Variants in RGPD3 observed in about 807,000 individuals in gnomAD.
RGPD3 encodes ranBP2-like and GRIP domain-containing protein 3.
RGPD3 carries 62 observed loss-of-function variants against 154.5 expected under a neutral mutation model. The observed-to-expected ratio is 0.40, with a 90% confidence interval of 0.33 to 0.50. The LOEUF (loss-of-function observed/expected upper bound fraction) is 0.50, where lower values mean the gene tolerates loss of function less well. RGPD3 is among the 20% of genes least tolerant of loss of function. The pLI, the probability that RGPD3 is intolerant of heterozygous loss-of-function variation, is 0.59. For missense variants in RGPD3, 919 were observed against 1,716.8 expected, an observed-to-expected ratio of 0.54 and a Z score of 8.21; for synonymous variants, 308 against 607.0, an observed-to-expected ratio of 0.51 and a Z score of 7.24.
At chr2:106,446,848 C>T (rs1395780098) in intron 7 of RGPD3, among the ~76,000 whole-genome samples, 2 of 151,708 alleles carry the variant, frequency 1.3e-5, no homozygotes, top group African/African-American at 4.9e-5. Flanking sequence ...CGCCACTGCA[C>T]TCCAGCCTGG....
At chr2:106,458,978 G>T (rs1208890271) in intron 2 of RGPD3, among the ~76,000 whole-genome samples, 1 of 140,614 alleles carries the variant, frequency 7.1e-6, no homozygotes, top group African/African-American at 2.5e-5. Flanking sequence ...TAAGATATAG[G>T]CATGGTCCTC....
chr2:106,424,468 A>G lies in RGPD3; in HGVS notation c.3499T>C (p.Cys1167Arg), dbSNP rs766568633. The change falls in exon 20 of 23, where the codon TGC becomes CGC. Residue 1167 changes from cysteine (C) to arginine (R), a missense_variant. Physicochemically the swap from Cys to Arg is radical, Grantham distance 180 (BLOSUM62 -3). Transcript: ENST00000409886. ...GGTATGTCTAACAGAAGCCGCTGGC[A>G]TTCCTCAAATTTCTGCTTGAATTCT... is the stretch of plus-strand genomic sequence containing the variant. ...AEEFKQKFEECQRLLLDIPLQ... is the reference protein window; with the variant it reads ...AEEFKQKFEERQRLLLDIPLQ... 43 of 1,607,340 alleles carry G rather than the reference A, an allele frequency of 2.7e-5. No homozygotes were observed. In the South Asian group the frequency reaches 3.2e-4, roughly 12 times the overall value.
intron 7 of RGPD3, among the ~76,000 whole-genome samples, chr2:106,444,847 G>A (rs1350377230): frequency 9.8e-5 from 14 of 142,170 alleles, no homozygotes; most frequent in Middle Eastern, 3.6e-3. Flanking sequence ...TAGGCTGTGC[G>A]CAGTAGCTCA....
intron 1 of RGPD3, among the ~76,000 whole-genome samples, chr2:106,461,315 C>T (rs1349646817): frequency 4.8e-5 from 7 of 146,754 alleles, no homozygotes; most frequent in African/African-American, 1.5e-4. Flanking sequence ...CTCTTTGGTG[C>T]CATTTTAAAT....
rs1453185553 is a variant in RGPD3, at chr2:106,424,506, G to A, written c.3461C>T (p.Pro1154Leu). Residue 1154 changes from proline (P) to leucine (L), a missense_variant, in exon 20 of 23, where the codon CCA (proline) becomes CTA (leucine). Physicochemically the swap from Pro to Leu is moderately conservative, Grantham distance 98 (BLOSUM62 -3). Coordinates refer to ENST00000409886, the MANE Select transcript of RGPD3 (RefSeq NM_001144013.2). ...CTGCTTGAATTCTTCAGCCAGCTCT[G>A]GTGTTTTAAATTTTGCTGCCAATCG... ...LERLAAKFKT[P>L]ELAEEFKQKF... 1.2e-6 allele frequency: 2 copies of A among 1,606,486 alleles called. No homozygotes were observed. The highest frequency in any genetic ancestry group is 1.7e-6 in the Non-Finnish European group (2 of 1,179,260).
chr2:106,434,321 T>C lies in RGPD3; in HGVS notation c.2112A>G (p.Glu704=), dbSNP rs751282685. The change falls in exon 15 of 23, where the codon GAA becomes GAG. Residue 704 remains glutamate (E), a synonymous_variant. Transcript: ENST00000409886. ...DIANDALSPE[E]QEECKNYLRK... The stretch of plus-strand genomic sequence containing the variant: ...TCAGATAATTTTTGCATTCTTCTTG[T>C]TCTTCAGGAGAAAGGGCATCATTTG... 1 of 1,610,382 alleles carries C rather than the reference T, an allele frequency of 6.2e-7. No homozygotes were observed. The highest frequency in any genetic ancestry group is 8.5e-7 in the Non-Finnish European group (1 of 1,179,194).
At position 106,415,654 on chromosome 2, in the gene RGPD3, G is replaced by A. The variant is rs201103224; in HGVS notation, c.5064+196C>T. Among the ~76,000 whole-genome samples the A allele has an allele frequency of 4.4e-4, 49 of 111,476 alleles. 1 individual carries two copies. The East Asian group carries it at 0.012, about 27-fold the overall frequency. The allele number at this position is 111,476 out of a possible 152,430, so 73.1% of individuals were successfully genotyped here. On this transcript the variant is annotated intron_variant, in intron 21 of 22. Transcript: ENST00000409886. ...ATCGTGCCACTGCACTCCAGCCTGC[G>A]TGACAAAGCAAGACTGTCTCAAAAA...
chr2:106,466,185 A>G (rs1678577000), intron 1 of RGPD3, among the ~76,000 whole-genome samples: 1 of 152,036 alleles, frequency 6.6e-6, no homozygotes, highest in Admixed American at 6.5e-5. Context: ...ACAAGCCGGG[A>G]GAAAGAGGAA....
At chr2:106,470,052 T>TA (rs1046742883), upstream of RGPD3, among the ~76,000 whole-genome samples, 46 of 151,058 alleles carry the variant, frequency 3.0e-4, no homozygotes, top group Admixed American at 1.1e-3. Flanking sequence ...ATCTCATTTG[T>TA]AAAAAAAAAG....
At chr2:106,405,667 C>A (rs1170740471) in intron 22 of RGPD3, among the ~76,000 whole-genome samples, 8 of 152,128 alleles carry the variant, frequency 5.3e-5, no homozygotes, top group Non-Finnish European at 7.4e-5. Flanking sequence ...AGCCACTGTA[C>A]CCAACCATAT....
At chr2:106,446,852 A>G (rs1473889338) in intron 7 of RGPD3, among the ~76,000 whole-genome samples, 1 of 151,988 alleles carries the variant, frequency 6.6e-6, no homozygotes, top group Non-Finnish European at 1.5e-5. Context: ...ACTGCACTCC[A>G]GCCTGGCGAC....
At chr2:106,446,835 T>A (rs1244984470) in intron 7 of RGPD3, among the ~76,000 whole-genome samples, 1 of 151,796 alleles carries the variant, frequency 6.6e-6, no homozygotes, top group African/African-American at 2.4e-5. Context: ...TGAGCCGAGA[T>A]CACGCCACTG....
intron 1 of RGPD3, among the ~76,000 whole-genome samples, chr2:106,466,179 G>A (rs908954022): frequency 6.6e-6 from 1 of 152,138 alleles, no homozygotes; most frequent in African/African-American, 2.4e-5. Context: ...TCGGGAACAA[G>A]CCGGGAGAAA....
chr2:106,468,670 G>GT (rs995507395), upstream of RGPD3, among the ~76,000 whole-genome samples: 3 of 152,074 alleles, frequency 2.0e-5, no homozygotes, highest in African/African-American at 7.2e-5. Flanking sequence ...GCCAGGTGTG[G>GT]TGGCAGGTGC....
At chr2:106,450,699 C>A (rs1678086843) in intron 6 of RGPD3, among the ~76,000 whole-genome samples, 1 of 50,030 alleles carries the variant, frequency 2.0e-5, no homozygotes, top group African/African-American at 9.9e-5. Flanking sequence ...GAGCGAGACT[C>A]TGTCTCAAAA....
At chr2:106,437,378 G>A (rs1177025482) in intron 9 of RGPD3, among the ~76,000 whole-genome samples, 2 of 143,224 alleles carry the variant, frequency 1.4e-5, no homozygotes, top group African/African-American at 5.3e-5. Flanking sequence ...CGAGCACGGT[G>A]TCACGTGCCT....
chr2:106,405,671 A>T (rs1354661504), intron 22 of RGPD3, among the ~76,000 whole-genome samples: 2 of 151,850 alleles, frequency 1.3e-5, no homozygotes, highest in Admixed American at 6.6e-5. Context: ...ACTGTACCCA[A>T]CCATATGTCA....
At chr2:106,461,299 C>T (rs1318216310) in intron 1 of RGPD3, among the ~76,000 whole-genome samples, 1 of 144,518 alleles carries the variant, frequency 6.9e-6, no homozygotes, top group East Asian at 2.2e-4. Flanking sequence ...AGCATCGCTA[C>T]TCTTGCTCTT....
chr2:106,404,271 A>G lies in RGPD3; in HGVS notation c.*948T>C, dbSNP rs1300124864. ...CAAAACAGATTCATGGCTTGCATGCAGTGACACCCTATCAAGAGCCTGGAA... is the reference window on the plus strand; with the variant it reads ...CAAAACAGATTCATGGCTTGCATGCGGTGACACCCTATCAAGAGCCTGGAA... On this transcript the variant is annotated 3_prime_UTR_variant, in exon 23 of 23. Transcript: ENST00000409886. Among the ~76,000 whole-genome samples, 1 of 150,254 alleles carries G rather than the reference A, an allele frequency of 6.7e-6. No individual in the cohort carries two copies. The highest frequency in any genetic ancestry group is 1.5e-5 in the Non-Finnish European group (1 of 67,754).
Sources: allele counts gnomAD v4.1 joint callset (sites outside exome capture counted in the v4.1 genomes callset), GRCh38; gene constraint gnomAD v4.1.1; transcripts MANE v1.5; gene names NCBI Gene and HGNC (gene_info 2026-07-23, HGNC 2026-07-21).